Variants in OGG1 observed in about 807,000 individuals in gnomAD.
OGG1 encodes the protein N-glycosylase/DNA lyase.
In OGG1, 35 loss-of-function variants were observed where a neutral mutation model predicts 42.3. The observed-to-expected ratio is 0.83, with a 90% CI of 0.63 to 1.10. The LOEUF (loss-of-function observed/expected upper bound fraction) is 1.10, where lower values mean the gene tolerates loss of function less well. Ranked by LOEUF, OGG1 falls within the 50% of genes least tolerant of loss-of-function variation. OGG1 has a pLI of 0.00. For missense variants in OGG1, 484 were observed against 446.7 expected, an observed-to-expected ratio of 1.08 and a Z score of -0.75; for synonymous variants, 189 against 179.0, an observed-to-expected ratio of 1.06 and a Z score of -0.44.
chr3:9,750,953 A>G lies in OGG1; in HGVS notation c.146A>G (p.Glu49Gly). The change falls in exon 2 of 7, where the codon GAG (glutamate) becomes GGG (glycine). Residue 49 changes from glutamate to glycine, a missense_variant. Coordinates refer to ENST00000344629, the MANE Select transcript of OGG1 (RefSeq NM_002542.6). The part of the protein sequence containing the change: ...LPSGQSFRWR[E>G]QSPAHWSGVL... ...ATGTGCCTTGGGCTCAGGTGGAGGG[A>G]GCAAAGTCCTGCACACTGGAGTGGT... 6.2e-7 allele frequency: 1 copy of G among 1,613,940 alleles called. No individual in the cohort carries two copies. The highest frequency in any genetic ancestry group is 1.1e-5 in the South Asian group (1 of 91,064).
At chr3:9,754,102 T>C (rs892882578) in intron 3 of OGG1, among the ~76,000 whole-genome samples, 2 of 152,216 alleles carry the variant, frequency 1.3e-5, no homozygotes, top group Non-Finnish European at 2.9e-5. Context: ...ATTGTGCCAC[T>C]GCATTCCAGC....
At chr3:9,753,406 A>G (rs1027871145) in intron 3 of OGG1, among the ~76,000 whole-genome samples, 1 of 151,230 alleles carries the variant, frequency 6.6e-6, no homozygotes, top group African/African-American at 2.4e-5. Flanking sequence ...TAATCCCAGC[A>G]TTTTGGGAGG....
chr3:9,784,316 C>A, intron 3 of OGG1: 1 of 1,411,866 alleles, frequency 7.1e-7, no homozygotes, highest in East Asian at 2.5e-5. Context: ...CCTGCCTTTC[C>A]CTTTGGGCAC....
chr3:9,754,648 A>G (rs758609737), intron 3 of OGG1, 56 bp from the exon 4 acceptor site: 6 of 1,589,744 alleles, frequency 3.8e-6, no homozygotes, highest in Non-Finnish European at 8.6e-7. Flanking sequence ...TACTAGCCTA[A>G]GGACAGGAAG....
chr3:9,781,299 A>C (rs765423236), intron 2 of OGG1, among the ~76,000 whole-genome samples: 2 of 152,040 alleles, frequency 1.3e-5, no homozygotes, highest in Non-Finnish European at 2.9e-5. Context: ...ATATATATAC[A>C]TACACACACA....
rs1218462681 is a variant in OGG1 at position 9,756,320 on chromosome 3, A to G, written c.748-151A>G. On this transcript the variant is annotated intron_variant, in intron 4 of 6. Transcript: ENST00000344629. Reference sequence around the variant, plus strand: ...CCATCTCAAAAACAAACAAAAAAAAAGTGTATTCATAGATAGTATCTGTTG... The same window carrying G: ...CCATCTCAAAAACAAACAAAAAAAAGGTGTATTCATAGATAGTATCTGTTG... 5 of 758,130 alleles carry G rather than the reference A, an allele frequency of 6.6e-6. No homozygotes were observed. In the African/African-American group the frequency reaches 8.7e-5, roughly 13 times the overall value. 47.0% of individuals were successfully genotyped at this position (758,130 alleles called of 1,614,324 possible).
intron 7 of OGG1, among the ~76,000 whole-genome samples, chr3:9,763,697 G>A (rs1257270579): frequency 6.6e-6 from 1 of 152,110 alleles, no homozygotes; most frequent in Non-Finnish European, 1.5e-5. Context: ...CCTCTTAAGA[G>A]TTTTCTGGCT....
chr3:9,760,825 T>C (rs370154285), downstream of OGG1: 22 of 1,607,908 alleles, frequency 1.4e-5, no homozygotes, highest in Admixed American at 1.0e-4. Context: ...GGCTCCGGGG[T>C]GGAGCACTGG....
downstream of OGG1, among the ~76,000 whole-genome samples, chr3:9,771,720 G>T (rs2078301911): frequency 6.6e-6 from 1 of 151,712 alleles, no homozygotes; most frequent in Non-Finnish European, 1.5e-5. Context: ...TGAGCTAGGG[G>T]TTCTTTTACC....
downstream of OGG1, among the ~76,000 whole-genome samples, chr3:9,788,638 C>A (rs2078671864): frequency 1.3e-5 from 2 of 151,764 alleles, no homozygotes; most frequent in Non-Finnish European, 2.9e-5. Flanking sequence ...CTCCCCAGTT[C>A]AGGTGATTTT....
At chr3:9,778,011 A>AGT (rs1232152231) in intron 2 of OGG1, among the ~76,000 whole-genome samples, 1 of 152,206 alleles carries the variant, frequency 6.6e-6, no homozygotes, top group African/African-American at 2.4e-5. Context: ...AAATGGCCTG[A>AGT]GTTTGAATGT....
chr3:9,753,488 T>C (rs2077400718), intron 3 of OGG1, among the ~76,000 whole-genome samples: 1 of 151,548 alleles, frequency 6.6e-6, no homozygotes. Flanking sequence ...CCGTCTCTAC[T>C]AAAAATACAA....
chr3:9,785,969 C>G (rs768071997), intron 3 of OGG1, among the ~76,000 whole-genome samples: 5 of 151,586 alleles, frequency 3.3e-5, no homozygotes, highest in Admixed American at 1.3e-4. Context: ...TGGAGTCTCA[C>G]TTTGTCACCC....
downstream of OGG1, among the ~76,000 whole-genome samples, chr3:9,768,915 A>T (rs552997112): frequency 2.6e-5 from 4 of 152,174 alleles, no homozygotes; most frequent in South Asian, 8.3e-4. Flanking sequence ...TGTAAGCTCT[A>T]GAGGCAGAGT....
At chr3:9,787,126 A>G in intron 3 of OGG1, 1 of 1,614,170 alleles carries the variant, frequency 6.2e-7, no homozygotes, top group Non-Finnish European at 8.5e-7. Context: ...GGGCACAGGA[A>G]AGGAGGGGAG....
At position 9,763,026 on chromosome 3, in the gene OGG1, C is replaced by T. The variant is rs746723292; in HGVS notation, c.1049-2783C>T. On this transcript the variant is annotated intron_variant, in intron 7 of 7. Coordinates refer to the OGG1 transcript ENST00000302008. Reference sequence around the variant, plus strand: ...CGTGTAGAAGCCTTTTTCCACAATACGGTCAAAGAGCTCCCCACCCGACAC... The same window carrying T: ...CGTGTAGAAGCCTTTTTCCACAATATGGTCAAAGAGCTCCCCACCCGACAC... 1.3e-5 allele frequency: 21 copies of T among 1,613,936 alleles called. No individual in the cohort carries two copies. The East Asian group carries it at 2.2e-4, about 17-fold the overall frequency.
At chr3:9,769,630 C>T (rs2078255523), downstream of OGG1, among the ~76,000 whole-genome samples, 2 of 152,210 alleles carry the variant, frequency 1.3e-5, no homozygotes. Flanking sequence ...TCTCTATTAC[C>T]CACTCAGTGT....
At chr3:9,789,431 G>A, downstream of OGG1, 2 of 1,344,676 alleles carry the variant, frequency 1.5e-6, no homozygotes, top group Non-Finnish European at 1.0e-6. Flanking sequence ...ATGATGCATG[G>A]CTTTGGTAGC....
chr3:9,782,787 T>A (rs2078508971), intron 3 of OGG1, among the ~76,000 whole-genome samples: 1 of 87,394 alleles, frequency 1.1e-5, no homozygotes, highest in Non-Finnish European at 2.6e-5. Flanking sequence ...TGAGACACCG[T>A]CTCAAAAAAA....
Sources: gnomAD v4.1 joint callset for allele counts (sites outside exome capture counted in the v4.1 genomes callset) on GRCh38, gnomAD v4.1.1 for gene constraint, MANE v1.5 for transcripts, NCBI Gene and HGNC (gene_info 2026-07-23, HGNC 2026-07-21) for gene names.